GTF2A1L: variants seen among roughly 807,000 people sequenced by gnomAD.
GTF2A1L encodes TFIIA-alpha and beta-like factor.
Under a neutral mutation model 49.7 loss-of-function variants are expected in GTF2A1L, and 48 were observed. The observed-to-expected ratio is 0.97, with a 90% CI of 0.77 to 1.23. The LOEUF (loss-of-function observed/expected upper bound fraction) is 1.23, where lower values mean the gene tolerates loss of function less well. GTF2A1L is among the 50% of genes most tolerant of loss of function. GTF2A1L has a pLI of 0.00. For synonymous variants in GTF2A1L, 246 were observed against 193.5 expected (o/e 1.27, Z -2.25); for missense variants, 736 against 564.8 (o/e 1.30, Z -3.07).
At chr2:48,632,059 C>G (rs577530911) in intron 3 of GTF2A1L, among the ~76,000 whole-genome samples, 2 of 152,264 alleles carry the variant, frequency 1.3e-5, no homozygotes, top group African/African-American at 4.8e-5. Flanking sequence ...TTGGCAATGT[C>G]TTCCAGAGTT....
In GTF2A1L at chr2:48,617,867, G is replaced by A; in HGVS notation, c.-8G>A. ...AGGCGCAAAGGGCCAGGTGCTGGAG[G>A]TGCTGTCATGGCCTGCCTCAACCCG... On this transcript the variant is annotated 5_prime_UTR_variant, in exon 1 of 9. In the 5' UTR this introduces an upstream ATG that the reference lacks. Coordinates refer to ENST00000403751, the MANE Select transcript of GTF2A1L (RefSeq NM_006872.5). 6.4e-7 allele frequency: 1 copy of A among 1,551,836 alleles called. No individual in the cohort carries two copies. Among genetic ancestry groups the A allele is most frequent in the Non-Finnish European group, 8.7e-7 (1 of 1,147,046 alleles).
chr2:48,658,208 T>A (rs926979879), intron 6 of GTF2A1L, among the ~76,000 whole-genome samples: 1 of 152,148 alleles, frequency 6.6e-6, no homozygotes, highest in Non-Finnish European at 1.5e-5. Flanking sequence ...TTTCTCAAGT[T>A]TTTTCTAGGA....
intron 6 of GTF2A1L, among the ~76,000 whole-genome samples, chr2:48,647,859 C>A (rs750032461): frequency 6.6e-5 from 10 of 152,012 alleles, no homozygotes; most frequent in Non-Finnish European, 1.2e-4. Context: ...AAATTGCATT[C>A]TTTTTACAAA....
At position 48,645,478 on chromosome 2, in the gene GTF2A1L, A is replaced by T. The variant is rs1374098374; in HGVS notation, c.388+361A>T. On this transcript the variant is annotated intron_variant, in intron 5 of 8. Coordinates refer to ENST00000403751, the MANE Select transcript of GTF2A1L (RefSeq NM_006872.5). ...TTACGGATTAAAGATTAGGATGATCAACCTTTGCCCCCTTTCTTATTAGGG... is the reference window on the plus strand; with the variant it reads ...TTACGGATTAAAGATTAGGATGATCTACCTTTGCCCCCTTTCTTATTAGGG... Among the ~76,000 whole-genome samples the T allele has an allele frequency of 1.3e-5, 2 of 152,340 alleles. 1 individual carries two copies. Among genetic ancestry groups the T allele is most frequent in the East Asian group, 3.9e-4 (2 of 5,180 alleles).
In GTF2A1L at chr2:48,646,550, T is replaced by G. The variant is rs760811482; in HGVS notation, c.486T>G (p.Leu162=). Residue 162 remains leucine, a synonymous_variant, in exon 6 of 9, where the codon CTT becomes CTG. Transcript: ENST00000403751. ...CAATTCAGCAAGTATTTCAACAGCT[T>G]GGCCAGCCTTCAGTAATACAAACTA... ...QHPIQQVFQQ[L]GQPSVIQTSV... The G allele has an allele frequency of 1.2e-6, 2 of 1,614,074 alleles. No individual in the cohort carries two copies. The highest frequency in any genetic ancestry group is 1.7e-6 in the Non-Finnish European group (2 of 1,180,050).
intron 8 of GTF2A1L, among the ~76,000 whole-genome samples, chr2:48,673,958 A>G (rs930949356): frequency 6.6e-6 from 1 of 152,150 alleles, no homozygotes; most frequent in Non-Finnish European, 1.5e-5. Flanking sequence ...AAGGTCAGAA[A>G]GACTTTCCTG....
chr2:48,621,467 C>T (rs1242881346), intron 3 of GTF2A1L, 177 bp downstream of exon 3: 5 of 878,004 alleles, frequency 5.7e-6, no homozygotes, highest in Non-Finnish European at 6.4e-6. Flanking sequence ...TGATTAAAAA[C>T]TCAGGTTATT....
intron 6 of GTF2A1L, among the ~76,000 whole-genome samples, chr2:48,668,239 A>G (rs1294759907): frequency 2.0e-5 from 3 of 152,188 alleles, no homozygotes; most frequent in Non-Finnish European, 4.4e-5. Context: ...TGCTTGGGCT[A>G]CATTTCTATA....
chr2:48,642,547 C>A, intron 4 of GTF2A1L, 90 bp downstream of exon 4: 1 of 1,260,780 alleles, frequency 7.9e-7, no homozygotes, highest in Non-Finnish European at 1.1e-6. Context: ...TAATTTCTTA[C>A]CCTCCAGTTG....
At chr2:48,648,975 A>G (rs1265519188) in intron 6 of GTF2A1L, among the ~76,000 whole-genome samples, 1 of 152,188 alleles carries the variant, frequency 6.6e-6, no homozygotes, top group Non-Finnish European at 1.5e-5. Context: ...GTTATAATCA[A>G]CTATACTTGT....
intron 6 of GTF2A1L, among the ~76,000 whole-genome samples, chr2:48,656,203 G>A (rs890787284): frequency 1.3e-5 from 2 of 152,018 alleles, no homozygotes; most frequent in Admixed American, 1.3e-4. Context: ...ATGGAGAAAT[G>A]GAACTGCAAA....
chr2:48,644,742 G>A (rs1035268871), intron 4 of GTF2A1L, among the ~76,000 whole-genome samples: 3 of 152,124 alleles, frequency 2.0e-5, no homozygotes, highest in African/African-American at 7.2e-5. Flanking sequence ...GAGAACCAAT[G>A]GCCCTGCAAA....
chr2:48,654,685 G>A (rs1022369843), intron 6 of GTF2A1L, among the ~76,000 whole-genome samples: 1 of 152,042 alleles, frequency 6.6e-6, no homozygotes, highest in Non-Finnish European at 1.5e-5. Flanking sequence ...TGCCTGGATA[G>A]CTCATTTTTT....
Position 48,626,880 on chromosome 2 carries a change from A to T in GTF2A1L, c.247+5590A>T, listed in dbSNP as rs556255700. ...TTCTTGGTTAAATATATTCTTAAGA[A>T]TTTTATTTTTTAAGATGCTATTGTA... is the stretch of plus-strand genomic sequence containing the variant. On this transcript the variant is annotated intron_variant, in intron 3 of 8. Transcript: ENST00000403751. Among the ~76,000 whole-genome samples the T allele has an allele frequency of 1.7e-4, 24 of 144,326 alleles. 2 individuals carry two copies. The highest frequency in any genetic ancestry group is 2.0e-4 in the Non-Finnish European group (13 of 64,070). 94.7% of individuals were successfully genotyped at this position (144,326 alleles called of 152,430 possible). A position where few individuals can be genotyped will look rare whatever the true frequency, so the allele number is the denominator to read the frequency against.
chr2:48,658,298 CCA>C (rs1443133745), intron 6 of GTF2A1L, among the ~76,000 whole-genome samples: 1 of 152,126 alleles, frequency 6.6e-6, no homozygotes, highest in Non-Finnish European at 1.5e-5. Context: ...AGGTAGGAGT[CCA>C]GTTTCATTCT....
chr2:48,656,348 G>GTTTTTTTTTTTT (rs367837291), intron 6 of GTF2A1L, among the ~76,000 whole-genome samples: 7 of 114,560 alleles, frequency 6.1e-5, no homozygotes, highest in African/African-American at 1.0e-4. Flanking sequence ...CTTATTTTCT[G>GTTTTTTTTTTTT]TTTTTTTTTT....
chr2:48,620,337 T>C (rs931005503), intron 1 of GTF2A1L, among the ~76,000 whole-genome samples: 1 of 152,240 alleles, frequency 6.6e-6, no homozygotes, highest in African/African-American at 2.4e-5. Flanking sequence ...GCTGAGACTA[T>C]GGGTCTGAAG....
intron 6 of GTF2A1L, among the ~76,000 whole-genome samples, chr2:48,660,411 C>G (rs941803461): frequency 2.6e-5 from 4 of 151,850 alleles, no homozygotes; most frequent in African/African-American, 7.3e-5. Context: ...CTGGATTTTT[C>G]TTTGTAGGTA....
intron 6 of GTF2A1L, among the ~76,000 whole-genome samples, chr2:48,662,935 C>T (rs1038399273): frequency 2.6e-5 from 4 of 151,606 alleles, no homozygotes; most frequent in Non-Finnish European, 4.4e-5. Flanking sequence ...AGGAGGGAGA[C>T]GATCAGAAAA....
Sources: gnomAD v4.1 joint callset for allele counts (sites outside exome capture counted in the v4.1 genomes callset) on GRCh38, gnomAD v4.1.1 for gene constraint, MANE v1.5 for transcripts, NCBI Gene and HGNC (gene_info 2026-07-23, HGNC 2026-07-21) for gene names.